Variants in FAM222B observed in about 807,000 individuals in gnomAD.
FAM222B encodes protein FAM222B.
In FAM222B, 12 loss-of-function variants were observed where a neutral mutation model predicts 38.0. That is an observed-to-expected ratio of 0.32 (90% CI 0.20 to 0.51). FAM222B has a LOEUF of 0.51. Ranked by LOEUF, FAM222B falls within the 20% of genes least tolerant of loss-of-function variation. The pLI is 0.97. For synonymous variants in FAM222B, 329 were observed against 317.2 expected, an observed-to-expected ratio of 1.04 and a Z score of -0.40; for missense variants, 716 against 754.2, an observed-to-expected ratio of 0.95 and a Z score of 0.59.
chr17:28,768,358 C>T (rs1380543520), intron 1 of FAM222B, among the ~76,000 whole-genome samples: 1 of 152,154 alleles, frequency 6.6e-6, no homozygotes, highest in Non-Finnish European at 1.5e-5. Flanking sequence ...GCTGAAAAGA[C>T]ACTTTGTAAA....
intron 1 of FAM222B, among the ~76,000 whole-genome samples, chr17:28,798,417 G>A (rs2037044887): frequency 6.6e-6 from 1 of 151,938 alleles, no homozygotes; most frequent in Non-Finnish European, 1.5e-5. Context: ...AAATAAAGCA[G>A]TGTAAGGAAA....
chr17:28,828,723 T>C (rs1257231454), intron 1 of FAM222B, among the ~76,000 whole-genome samples: 2 of 152,182 alleles, frequency 1.3e-5, no homozygotes, highest in African/African-American at 4.8e-5. Context: ...ATTACATTTC[T>C]GGAATTAGTC....
At chr17:28,788,202 T>C (rs2036506641) in intron 1 of FAM222B, among the ~76,000 whole-genome samples, 1 of 152,176 alleles carries the variant, frequency 6.6e-6, no homozygotes. Context: ...TTGGCTCCCT[T>C]CTGTGGACCT....
chr17:28,839,395 G>A (rs2038957908), intron 1 of FAM222B, among the ~76,000 whole-genome samples: 1 of 152,058 alleles, frequency 6.6e-6, no homozygotes, highest in African/African-American at 2.4e-5. Flanking sequence ...TCCTCATTTT[G>A]TAAGGTCATT....
intron 1 of FAM222B, among the ~76,000 whole-genome samples, chr17:28,803,062 A>G (rs1005398070): frequency 4.6e-5 from 7 of 151,676 alleles, no homozygotes; most frequent in East Asian, 1.9e-4. Flanking sequence ...AGGCTGGAGT[A>G]CAGTGGTGCA....
intron 1 of FAM222B, among the ~76,000 whole-genome samples, chr17:28,812,619 C>T (rs2037838351): frequency 6.6e-6 from 1 of 152,168 alleles, no homozygotes; most frequent in Non-Finnish European, 1.5e-5. Flanking sequence ...CCGCTACCCG[C>T]GGACCCGGCC....
upstream of FAM222B, among the ~76,000 whole-genome samples, chr17:28,847,164 A>G (rs540735544): frequency 2.6e-5 from 4 of 151,748 alleles, no homozygotes; most frequent in African/African-American, 9.7e-5. Context: ...CACAGGTTGC[A>G]GTGAGCCGAG....
At chr17:28,784,860 C>A (rs2036331109) in intron 1 of FAM222B, among the ~76,000 whole-genome samples, 1 of 152,092 alleles carries the variant, frequency 6.6e-6, no homozygotes. Context: ...AAGTGATCCT[C>A]CCACCTCAGC....
At chr17:28,825,447 A>AG (rs1157757013) in intron 1 of FAM222B, among the ~76,000 whole-genome samples, 1 of 151,498 alleles carries the variant, frequency 6.6e-6, no homozygotes, top group Admixed American at 6.6e-5. Context: ...AAAAAAAAAA[A>AG]AAAAAAAACA....
intron 1 of FAM222B, among the ~76,000 whole-genome samples, chr17:28,792,311 C>CAA (rs71135853): frequency 0.016 from 1,757 of 110,068 alleles, 24 homozygotes; most frequent in Middle Eastern, 0.048. Context: ...GACTCTGTCT[C>CAA]AAAAAAAAAA....
intron 1 of FAM222B, among the ~76,000 whole-genome samples, chr17:28,797,120 A>G (rs999518313): frequency 1.4e-5 from 2 of 148,112 alleles, no homozygotes; most frequent in East Asian, 4.0e-4. Flanking sequence ...CTCTTGCCTC[A>G]GCCTCCCGAG....
chr17:28,799,964 A>C (rs2037141127), intron 1 of FAM222B, among the ~76,000 whole-genome samples: 1 of 152,040 alleles, frequency 6.6e-6, no homozygotes, highest in Non-Finnish European at 1.5e-5. Context: ...ACACATACCA[A>C]AGACTGCTGT....
intron 1 of FAM222B, among the ~76,000 whole-genome samples, chr17:28,784,993 T>C (rs545470794): frequency 2.0e-5 from 3 of 152,154 alleles, no homozygotes; most frequent in African/African-American, 7.2e-5. Context: ...TGGACTCAAA[T>C]GATTCTCCCA....
At chr17:28,763,268 C>T (rs1424266687) in intron 2 of FAM222B, among the ~76,000 whole-genome samples, 1 of 152,100 alleles carries the variant, frequency 6.6e-6, no homozygotes, top group African/African-American at 2.4e-5. Context: ...TTACTAAGAT[C>T]GAGAGTCAAT....
At chr17:28,769,509 G>T (rs1474700743) in intron 1 of FAM222B, among the ~76,000 whole-genome samples, 1 of 152,090 alleles carries the variant, frequency 6.6e-6, no homozygotes, top group Non-Finnish European at 1.5e-5. Context: ...ATGTTGGCCA[G>T]GATGGTCTCG....
intron 1 of FAM222B, among the ~76,000 whole-genome samples, chr17:28,842,040 T>A (rs1279206763): frequency 7.2e-5 from 11 of 152,210 alleles, no homozygotes; most frequent in Non-Finnish European, 1.5e-4. Context: ...AACATAGTAC[T>A]TACAATTCAC....
intron 1 of FAM222B, among the ~76,000 whole-genome samples, chr17:28,804,797 C>T (rs542965625): frequency 1.4e-3 from 216 of 151,924 alleles, no homozygotes; most frequent in Non-Finnish European, 2.6e-3. Flanking sequence ...AATCCCAGCA[C>T]TCTGGGAGGC....
At chr17:28,774,135 T>A (rs1224557953) in intron 1 of FAM222B, among the ~76,000 whole-genome samples, 1 of 149,228 alleles carries the variant, frequency 6.7e-6, no homozygotes, top group Non-Finnish European at 1.5e-5. Flanking sequence ...TTTCTATTTT[T>A]CTTTTGTTTT....
chr17:28,850,867 T>G, intron 1 of FAM222B, among the ~76,000 whole-genome samples: 1 of 151,906 alleles, frequency 6.6e-6, no homozygotes, highest in Admixed American at 6.6e-5. Context: ...ACACCTGTAA[T>G]CCCAACGCTT....
Sources: gnomAD v4.1 joint callset for allele counts (sites outside exome capture counted in the v4.1 genomes callset) on GRCh38, gnomAD v4.1.1 for gene constraint, MANE v1.5 for transcripts, NCBI Gene and HGNC (gene_info 2026-07-23, HGNC 2026-07-21) for gene names.